ZDHHC16: variants seen among roughly 807,000 people sequenced by gnomAD.
ZDHHC16 encodes the protein palmitoyltransferase ZDHHC16.
Under a neutral mutation model 54.4 loss-of-function variants are expected in ZDHHC16, and 33 were observed. The observed-to-expected ratio is 0.61, with a 90% confidence interval of 0.46 to 0.81. The LOEUF (loss-of-function observed/expected upper bound fraction) is 0.81, where lower values mean the gene tolerates loss of function less well. ZDHHC16 is among the 30% of genes least tolerant of loss of function. The pLI, the probability that ZDHHC16 is intolerant of heterozygous loss-of-function variation, is 0.00. For missense variants in ZDHHC16, 420 were observed against 485.9 expected (o/e 0.86, Z 1.28); for synonymous variants, 185 against 182.1 (o/e 1.02, Z -0.13).
At chr10:97,446,440 G>C (rs1263600017) in intron 1 of ZDHHC16, 87 bp downstream of exon 1, 1 of 202,438 alleles carries the variant, frequency 4.9e-6, no homozygotes, top group Admixed American at 5.5e-5. Flanking sequence ...TTGAGTGCGG[G>C]TTCCTGCTCT....
At chr10:97,452,642 C>T (rs1846756118) in intron 5 of ZDHHC16, 139 bp downstream of exon 5, 1 of 1,037,328 alleles carries the variant, frequency 9.6e-7, no homozygotes, top group Non-Finnish European at 1.4e-6. Flanking sequence ...CTCCTGACAC[C>T]TCATCCTTAG....
rs1453226592 is a variant in ZDHHC16 at position 97,456,958 on chromosome 10, G to A, written c.*67G>A. 8 of 1,306,822 alleles carry A rather than the reference G, an allele frequency of 6.1e-6. No homozygotes were observed. In the Admixed American group the frequency reaches 1.4e-4, roughly 23 times the overall value. The allele number at this position is 1,306,822 out of a possible 1,614,324, so 81.0% of individuals were successfully genotyped here. A position where few individuals can be genotyped will look rare whatever the true frequency, so the allele number is the denominator to read the frequency against. ...CCTATGTTATTTCAAGGGCCTCCAA[G>A]GGCAGCTTTTCTCAGAATCCTTGAT... On this transcript the variant is annotated 3_prime_UTR_variant, in exon 12 of 12. Transcript: ENST00000393760.
intron 5 of ZDHHC16, 123 bp from the exon 6 acceptor site, chr10:97,452,772 G>A: frequency 7.5e-7 from 1 of 1,338,948 alleles, no homozygotes; most frequent in Non-Finnish European, 1.1e-6. Flanking sequence ...AGCAAGGCCT[G>A]GCTGTCTTCA....
At chr10:97,453,504 C>G in intron 6 of ZDHHC16, 26 bp from the exon 7 acceptor site, 2 of 1,612,052 alleles carry the variant, frequency 1.2e-6, no homozygotes, top group Non-Finnish European at 1.7e-6. Flanking sequence ...GTGTTTGATT[C>G]TAGTCCTTAA....
chr10:97,456,114 G>A, intron 11 of ZDHHC16, 70 bp downstream of exon 11: 4 of 1,515,430 alleles, frequency 2.6e-6, no homozygotes, highest in Admixed American at 1.7e-5. Context: ...CTATGCCTGT[G>A]AGCACTTGGA....
At chr10:97,453,486 C>T in intron 6 of ZDHHC16, 44 bp from the exon 7 acceptor site, 1 of 1,603,854 alleles carries the variant, frequency 6.2e-7, no homozygotes. Context: ...TGGACACCGC[C>T]TGAAATTGTG....
intron 11 of ZDHHC16, 56 bp from the exon 12 acceptor site, chr10:97,456,721 G>A: frequency 7.6e-7 from 1 of 1,317,546 alleles, no homozygotes; most frequent in Non-Finnish European, 1.1e-6. Context: ...AAGGAATGAT[G>A]ATTGGGAAGG....
rs1475654172 is a variant in ZDHHC16 at position 97,454,634 on chromosome 10, T to C, written c.739-80T>C. On this transcript the variant is annotated intron_variant, in intron 8 of 11. Transcript: ENST00000393760. The stretch of plus-strand genomic sequence containing the variant: ...GTTTTCTCTGCCTGGATTTGGATCA[T>C]TTCCTGCCTATAGGTGCTGGGGGCA... 22 of 1,296,814 alleles carry C rather than the reference T, an allele frequency of 1.7e-5. 1 individual carries two copies. The highest frequency in any genetic ancestry group is 2.5e-5 in the Non-Finnish European group (22 of 895,778). 80.3% of individuals were successfully genotyped at this position (1,296,814 alleles called of 1,614,324 possible).
In ZDHHC16 at chr10:97,446,320, C is replaced by T. The variant is rs375155711; in HGVS notation, c.-219C>T. 1.1e-5 allele frequency: 5 copies of T among 439,184 alleles called. No homozygotes were observed. The highest frequency in any genetic ancestry group is 6.2e-5 in the African/African-American group (3 of 48,010). The allele number at this position is 439,184 out of a possible 1,614,324, so 27.2% of individuals were successfully genotyped here. On this transcript the variant is annotated 5_prime_UTR_variant, in exon 1 of 12. Coordinates refer to ENST00000393760, the MANE Select transcript of ZDHHC16 (RefSeq NM_198046.3). ...GAGCGGCGGCAGAGGCTACGGGGCT[C>T]GGTTTGGCTGACTGGGGAGTCGGCA... is the stretch of plus-strand genomic sequence containing the variant.
At chr10:97,456,525 T>C (rs1847235734) in intron 11 of ZDHHC16, 1 of 349,350 alleles carries the variant, frequency 2.9e-6, no homozygotes. Flanking sequence ...CCCTTTCCCA[T>C]GTACATGACA....
At chr10:97,454,519 C>T (rs1486556580) in intron 8 of ZDHHC16, among the ~76,000 whole-genome samples, 195 bp from the exon 9 acceptor site, 3 of 152,234 alleles carry the variant, frequency 2.0e-5, no homozygotes, top group African/African-American at 4.8e-5. Flanking sequence ...AGACCCTGCT[C>T]TGCTGCCCAG....
At chr10:97,453,462 G>C (rs1846843553) in intron 6 of ZDHHC16, 68 bp from the exon 7 acceptor site, 1 of 1,575,246 alleles carries the variant, frequency 6.3e-7, no homozygotes, top group African/African-American at 1.3e-5. Flanking sequence ...AACCAGGGAT[G>C]AACCTGAGGG....
At chr10:97,452,533 C>T in intron 5 of ZDHHC16, 30 bp downstream of exon 5, 1 of 1,606,632 alleles carries the variant, frequency 6.2e-7, no homozygotes, top group Non-Finnish European at 8.5e-7. Flanking sequence ...TCTGGGAATC[C>T]CAGCTGTGGT....
rs144097951 is a variant in ZDHHC16, at chr10:97,452,809, G to T, written c.528-86G>T. The T allele has an allele frequency of 1.3e-5, 21 of 1,581,212 alleles. No individual in the cohort carries two copies. The East Asian group carries it at 4.7e-4, about 35-fold the overall frequency. On this transcript the variant is annotated intron_variant, in intron 5 of 11. Transcript: ENST00000393760. Reference sequence around the variant, plus strand: ...AGTCTGTGCCCTTTCCACCTCAGCAGGATGCTGGTCCTTGTAGGGAAGGAT... The same window carrying T: ...AGTCTGTGCCCTTTCCACCTCAGCATGATGCTGGTCCTTGTAGGGAAGGAT...
chr10:97,456,343 G>A (rs1847185029), intron 11 of ZDHHC16: 1 of 412,162 alleles, frequency 2.4e-6, no homozygotes, highest in Non-Finnish European at 4.3e-6. Flanking sequence ...TTGGAGAGCA[G>A]TGTCTAGAGT....
At position 97,457,363 on chromosome 10, in the gene ZDHHC16, T is replaced by G. The variant is rs536339856; in HGVS notation, c.*472T>G. 1.3e-5 allele frequency: 2 copies of G among 152,412 alleles called. No individual in the cohort carries two copies. Among genetic ancestry groups the G allele is most frequent in the South Asian group, 4.1e-4 (2 of 4,836 alleles). 9.4% of individuals were successfully genotyped at this position (152,412 alleles called of 1,614,324 possible). The stretch of plus-strand genomic sequence containing the variant: ...AGCACAAATAAAGGTATTCGATTTT[T>G]AAAGATATGTAGCTTCTCACTCTCT... On this transcript the variant is annotated 3_prime_UTR_variant, in exon 12 of 12. Coordinates refer to ENST00000393760, the MANE Select transcript of ZDHHC16 (RefSeq NM_198046.3).
chr10:97,446,286 G>T lies in ZDHHC16; in HGVS notation c.-253G>T. On this transcript the variant is annotated 5_prime_UTR_variant, in exon 1 of 12. Transcript: ENST00000393760. ...CCGGCCGGGGCGCCGAGTCGGAGGG[G>T]GTGGCAGTGAGCGGCGGCAGAGGCT... 1 of 516,742 alleles carries T rather than the reference G, an allele frequency of 1.9e-6. No homozygotes were observed. The highest frequency in any genetic ancestry group is 3.5e-5 in the Admixed American group (1 of 28,216). The allele number at this position is 516,742 out of a possible 1,614,324, so 32.0% of individuals were successfully genotyped here.
rs1201053225 is a variant in ZDHHC16 at position 97,457,125 on chromosome 10, C to A, written c.*234C>A. The A allele has an allele frequency of 3.3e-6, 1 of 303,042 alleles. No homozygotes were observed. Among genetic ancestry groups the A allele is most frequent in the African/African-American group, 2.1e-5 (1 of 46,518 alleles). 18.8% of individuals were successfully genotyped at this position (303,042 alleles called of 1,614,324 possible). ...TACTCAGGCAAACAGAAGTTCCAACCCCAGACTAGGGGTCAGGCAGCTAGC... is the reference window on the plus strand; with the variant it reads ...TACTCAGGCAAACAGAAGTTCCAACACCAGACTAGGGGTCAGGCAGCTAGC... On this transcript the variant is annotated 3_prime_UTR_variant, in exon 12 of 12. Transcript: ENST00000393760.
At chr10:97,450,970 T>C (rs1285075898) in intron 2 of ZDHHC16, 1 of 152,220 alleles carries the variant, frequency 6.6e-6, no homozygotes, top group Non-Finnish European at 1.5e-5. Flanking sequence ...AGACAAAGCA[T>C]TTTCTGTCAT....
Sources: gnomAD v4.1 joint callset for allele counts (sites outside exome capture counted in the v4.1 genomes callset) on GRCh38, gnomAD v4.1.1 for gene constraint, MANE v1.5 for transcripts, NCBI Gene and HGNC (gene_info 2026-07-23, HGNC 2026-07-21) for gene names.